Variants in ZCWPW2 observed in about 807,000 individuals in gnomAD.
ZCWPW2 encodes zinc finger CW-type and PWWP domain containing 2.
A neutral mutation model predicts 46.6 loss-of-function variants in ZCWPW2; 45 were observed. That is an observed-to-expected ratio of 0.96 (90% CI 0.76 to 1.24). ZCWPW2 has a LOEUF of 1.24. Ranked by LOEUF, ZCWPW2 falls within the 50% of genes most tolerant of loss-of-function variation. The pLI is 0.00. For missense variants in ZCWPW2, 429 were observed against 403.9 expected, an observed-to-expected ratio of 1.06 and a Z score of -0.53; for synonymous variants, 152 against 137.1, an observed-to-expected ratio of 1.11 and a Z score of -0.76.
chr3:28,493,136 TTA>T (rs1432838944), intron 6 of ZCWPW2, among the ~76,000 whole-genome samples: 7 of 87,330 alleles, frequency 8.0e-5, no homozygotes, highest in South Asian at 4.1e-4. Context: ...TTTTTTTATT[TTA>T]TTTTTTTTAA....
intron 5 of ZCWPW2, among the ~76,000 whole-genome samples, chr3:28,488,411 A>C (rs1159556406): frequency 6.6e-6 from 1 of 152,100 alleles, no homozygotes; most frequent in African/African-American, 2.4e-5. Flanking sequence ...GGGGACTTCT[A>C]ATTTCCTTAC....
At chr3:28,362,420 A>G (rs752857185) in intron 1 of ZCWPW2, among the ~76,000 whole-genome samples, 3 of 152,198 alleles carry the variant, frequency 2.0e-5, no homozygotes, top group Non-Finnish European at 2.9e-5. Flanking sequence ...GGTAAAGGGC[A>G]TGAACAGACA....
intron 1 of ZCWPW2, among the ~76,000 whole-genome samples, chr3:28,381,448 T>G (rs1478832566): frequency 2.6e-5 from 4 of 152,106 alleles, no homozygotes; most frequent in African/African-American, 9.7e-5. Flanking sequence ...CCTTACTGTC[T>G]TTATGTTGAG....
intron 1 of ZCWPW2, among the ~76,000 whole-genome samples, chr3:28,376,392 A>G (rs1323287312): frequency 1.3e-5 from 2 of 152,214 alleles, no homozygotes; most frequent in East Asian, 3.9e-4. Context: ...TATATTACCC[A>G]TATCTTTACA....
chr3:28,371,500 T>C (rs1351816066), intron 1 of ZCWPW2, among the ~76,000 whole-genome samples: 1 of 151,970 alleles, frequency 6.6e-6, no homozygotes, highest in Non-Finnish European at 1.5e-5. Context: ...TGAACAAATA[T>C]CAGGAGTGAT....
Position 28,484,736 on chromosome 3 carries a change from TCCTTCCTGCCTG to T in ZCWPW2, c.610+5826_610+5837del, listed in dbSNP as rs1458208042. On this transcript the variant is annotated intron_variant, in intron 5 of 9. Coordinates refer to ENST00000383768, the MANE Select transcript of ZCWPW2 (RefSeq NM_001040432.4). ...TCCCTTCCTTTCTTCCTTCTTTCCT[TCCTTCCTGCCTG>T]CCTTCCTGCCTGCCTTCCTGTCTTC... 4.1e-3 allele frequency among the ~76,000 whole-genome samples: 620 copies of T among 151,080 alleles called. 3 individuals carry two copies. The highest frequency in any genetic ancestry group is 0.013 in the African/African-American group (553 of 41,126).
intron 6 of ZCWPW2, among the ~76,000 whole-genome samples, chr3:28,510,828 C>G (rs1315047044): frequency 1.3e-5 from 2 of 152,116 alleles, no homozygotes. Flanking sequence ...CAAGGATCTT[C>G]CATGAGAAGA....
intron 9 of ZCWPW2, 83 bp downstream of exon 9, chr3:28,521,199 A>T: frequency 7.0e-7 from 1 of 1,423,514 alleles, no homozygotes; most frequent in Non-Finnish European, 9.3e-7. Flanking sequence ...GTACATTTTA[A>T]ATATATAAAA....
intron 4 of ZCWPW2, among the ~76,000 whole-genome samples, chr3:28,455,616 G>A (rs80069000): frequency 0.026 from 3,983 of 151,386 alleles, 79 homozygotes; most frequent in Non-Finnish European, 0.04. Context: ...TTATAGTTTT[G>A]GGTTTTACAT....
In ZCWPW2 at chr3:28,413,084, T is replaced by A. The variant is rs1382307989; in HGVS notation, c.16T>A (p.Leu6Met). The change falls in exon 3 of 10, where the codon TTG becomes ATG. Residue 6 changes from leucine (L) to methionine (M), a missense_variant. Physicochemically the swap from Leu to Met is conservative, Grantham distance 15. Coordinates refer to ENST00000383768, the MANE Select transcript of ZCWPW2 (RefSeq NM_001040432.4). MDKEK[L>M]DVKIEYCNYA... ...AAATGCCTTAATGGATAAAGAAAAA[T>A]TGGATGTTAAGATTGAATATTGTAA... 1 of 1,608,686 alleles carries A rather than the reference T, an allele frequency of 6.2e-7. No individual in the cohort carries two copies. Among genetic ancestry groups the A allele is most frequent in the Non-Finnish European group, 8.5e-7 (1 of 1,176,902 alleles).
intron 5 of ZCWPW2, among the ~76,000 whole-genome samples, chr3:28,483,594 T>C (rs1699502147): frequency 6.6e-6 from 1 of 152,206 alleles, no homozygotes; most frequent in Non-Finnish European, 1.5e-5. Context: ...ATCTTGACCA[T>C]ATTGAGTCTT....
intron 1 of ZCWPW2, among the ~76,000 whole-genome samples, chr3:28,373,836 T>C (rs1010775072): frequency 1.3e-5 from 2 of 152,068 alleles, no homozygotes; most frequent in African/African-American, 4.8e-5. Flanking sequence ...AAATTAGATT[T>C]GTTTGTTTTT....
At chr3:28,383,680 G>T (rs1317644952) in intron 1 of ZCWPW2, among the ~76,000 whole-genome samples, 1 of 151,970 alleles carries the variant, frequency 6.6e-6, no homozygotes, top group Non-Finnish European at 1.5e-5. Context: ...TGGGATGTTA[G>T]GTGATTAATG....
chr3:28,376,367 G>A (rs1705500204), intron 1 of ZCWPW2, among the ~76,000 whole-genome samples: 1 of 151,998 alleles, frequency 6.6e-6, no homozygotes, highest in African/African-American at 2.4e-5. Context: ...TTTAATTATT[G>A]TATTGACATA....
intron 6 of ZCWPW2, among the ~76,000 whole-genome samples, chr3:28,497,946 C>T (rs1175966965): frequency 2.0e-5 from 3 of 152,160 alleles, no homozygotes; most frequent in Middle Eastern, 3.4e-3. Flanking sequence ...CTGAGTTCCA[C>T]TTGATAAAAA....
chr3:28,517,955 GT>G (rs1343849637), intron 8 of ZCWPW2, among the ~76,000 whole-genome samples: 2 of 151,892 alleles, frequency 1.3e-5, no homozygotes, highest in Admixed American at 1.3e-4. Context: ...GGCCAACATG[GT>G]AAAACCCTGT....
intron 8 of ZCWPW2, among the ~76,000 whole-genome samples, chr3:28,516,253 CTCAA>C (rs1292042580): frequency 2.8e-4 from 35 of 125,700 alleles, no homozygotes; most frequent in African/African-American, 9.2e-4. Context: ...AAGATTCCCT[CTCAA>C]TAAATAAATA....
chr3:28,404,867 G>A (rs963926220), intron 2 of ZCWPW2, among the ~76,000 whole-genome samples: 1 of 152,066 alleles, frequency 6.6e-6, no homozygotes, highest in African/African-American at 2.4e-5. Flanking sequence ...ATGGACTTTG[G>A]GGACTTAGGA....
At chr3:28,425,450 A>G (rs1420805079) in intron 3 of ZCWPW2, among the ~76,000 whole-genome samples, 2 of 152,216 alleles carry the variant, frequency 1.3e-5, no homozygotes, top group Non-Finnish European at 2.9e-5. Flanking sequence ...TAATTAAGCA[A>G]AGCCATAGAT....
Sources: allele counts gnomAD v4.1 joint callset (sites outside exome capture counted in the v4.1 genomes callset), GRCh38; gene constraint gnomAD v4.1.1; transcripts MANE v1.5; gene names NCBI Gene and HGNC (gene_info 2026-07-23, HGNC 2026-07-21).